Variants in GPNMB observed in about 807,000 individuals in gnomAD.
GPNMB encodes glycoprotein nmb, also known as transmembrane glycoprotein NMB.
A neutral mutation model predicts 57.3 loss-of-function variants in GPNMB; 71 were observed. The observed-to-expected ratio is 1.24, with a 90% CI of 1.02 to 1.51. The LOEUF is 1.51. GPNMB is among the 40% of genes most tolerant of loss of function. The pLI, the probability that GPNMB is intolerant of heterozygous loss-of-function variation, is 0.00. For synonymous variants in GPNMB, 253 were observed against 263.2 expected (o/e 0.96, Z 0.38); for missense variants, 677 against 691.9 (o/e 0.98, Z 0.24).
chr7:23,260,660 C>G lies in GPNMB; in HGVS notation c.905C>G (p.Thr302Arg). Reference protein sequence around the residue: ...FVSTNHTVNHTYVLNGTFSLN... With the variant: ...FVSTNHTVNHRYVLNGTFSLN... ...TCCACCAATCATACTGTGAATCACA[C>G]GTATGTGCTCAATGGAACCTTCAGC... Residue 302 changes from threonine to arginine, a missense_variant, in exon 6 of 11, where the codon ACG becomes AGG. Physicochemically the swap from Thr to Arg is moderately conservative, Grantham distance 71. Coordinates refer to ENST00000258733, the MANE Select transcript of GPNMB (RefSeq NM_002510.3). 1.2e-6 allele frequency: 2 copies of G among 1,613,152 alleles called. No homozygotes were observed. Among genetic ancestry groups the G allele is most frequent in the Non-Finnish European group, 1.7e-6 (2 of 1,179,116 alleles).
chr7:23,247,968 G>A (rs1205176114), intron 1 of GPNMB: 1 of 152,334 alleles, frequency 6.6e-6, no homozygotes, highest in African/African-American at 2.4e-5. Flanking sequence ...GAGTGGGCAA[G>A]GAACTCGCCC....
chr7:23,269,464 A>C (rs1186842827), intron 8 of GPNMB, among the ~76,000 whole-genome samples: 1 of 152,212 alleles, frequency 6.6e-6, no homozygotes, highest in East Asian at 1.9e-4. Context: ...CACTCAGAAC[A>C]AAGGTCTCTG....
rs1782696846 is a variant in GPNMB, at chr7:23,253,179, C to T, written c.71-128C>T. On this transcript the variant is annotated intron_variant, in intron 1 of 10. Coordinates refer to ENST00000258733, the MANE Select transcript of GPNMB (RefSeq NM_002510.3). The stretch of plus-strand genomic sequence containing the variant: ...GACTTCCTTTAAAAAACAAAGCACC[C>T]TCTGTTTACTTGATGCACTGAATAT... The T allele has an allele frequency of 8.7e-6, 6 of 687,704 alleles. No individual in the cohort carries two copies. The Admixed American group carries it at 1.6e-4, about 18-fold the overall frequency. 42.6% of individuals were successfully genotyped at this position (687,704 alleles called of 1,614,324 possible). A position where few individuals can be genotyped will look rare whatever the true frequency, so the allele number is the denominator to read the frequency against.
rs1315626949 is a variant in GPNMB at position 23,246,857 on chromosome 7, C to A, written c.-1C>A. 3.1e-6 allele frequency: 5 copies of A among 1,612,652 alleles called. No homozygotes were observed. Among genetic ancestry groups the A allele is most frequent in the Non-Finnish European group, 4.2e-6 (5 of 1,178,800 alleles). ...AGTGCCTGCGTCCGTGAGAATTCAGCATGGAATGTCTCTACTATTTCCTGG... is the reference window on the plus strand; with the variant it reads ...AGTGCCTGCGTCCGTGAGAATTCAGAATGGAATGTCTCTACTATTTCCTGG... On this transcript the variant is annotated 5_prime_UTR_variant, in exon 1 of 11. Transcript: ENST00000258733.
intron 1 of GPNMB, among the ~76,000 whole-genome samples, chr7:23,251,703 T>C (rs1157950822): frequency 6.6e-6 from 1 of 152,148 alleles, no homozygotes; most frequent in East Asian, 1.9e-4. Flanking sequence ...GAGGAAAAAA[T>C]TGAGTTTGTT....
intron 4 of GPNMB, among the ~76,000 whole-genome samples, chr7:23,259,129 G>GTTTTA (rs1160003262): frequency 1.3e-5 from 2 of 152,184 alleles, no homozygotes; most frequent in Non-Finnish European, 2.9e-5. Flanking sequence ...GAAAGTGCCT[G>GTTTTA]TGGAACCACC....
At chr7:23,268,585 C>G (rs961496840) in intron 8 of GPNMB, among the ~76,000 whole-genome samples, 2 of 152,038 alleles carry the variant, frequency 1.3e-5, no homozygotes, top group African/African-American at 4.8e-5. Context: ...AATACTATAT[C>G]GATTAACTAA....
rs150027317 is a variant in GPNMB, at chr7:23,254,169, G to A, written c.224G>A (p.Gly75Glu). The stretch of plus-strand genomic sequence containing the variant: ...CGAGCCCCACTTTTTTATACCCTAG[G>A]AGGCCGTGTGCAGGCGGTCCTGACC... ...GDMRWKNSWK[G>E]GRVQAVLTSD... The change falls in exon 3 of 11, where the codon GGA becomes GAA. Residue 75 changes from glycine to glutamate, a missense_variant and splice_region_variant. Coordinates refer to ENST00000258733, the MANE Select transcript of GPNMB (RefSeq NM_002510.3). The A allele has an allele frequency of 1.4e-5, 22 of 1,611,442 alleles. No individual in the cohort carries two copies. In the African/African-American group the frequency reaches 2.8e-4, roughly 21 times the overall value.
chr7:23,266,530 C>G lies in GPNMB; in HGVS notation c.1032C>G (p.Asp344Glu), dbSNP rs191551544. Residue 344 changes from aspartate (D) to glutamate (E), a missense_variant, in exon 7 of 11, where the codon GAC (aspartate) becomes GAG (glutamate). Physicochemically the swap from Asp to Glu is conservative, Grantham distance 45. Transcript: ENST00000258733. ...CAAACACCCCAGGACCTGCTGGTGACAACCCCCTGGAGCTGAGTAGGATTC... is the reference window on the plus strand; with the variant it reads ...CAAACACCCCAGGACCTGCTGGTGAGAACCCCCTGGAGCTGAGTAGGATTC... ...KPTPSLGPAG[D>E]NPLELSRIPD... The G allele has an allele frequency of 1.2e-6, 2 of 1,613,064 alleles. No homozygotes were observed. Among genetic ancestry groups the G allele is most frequent in the African/African-American group, 2.7e-5 (2 of 74,906 alleles).
intron 6 of GPNMB, among the ~76,000 whole-genome samples, chr7:23,265,758 A>G (rs1783041910): frequency 6.6e-6 from 1 of 151,972 alleles, no homozygotes; most frequent in South Asian, 2.1e-4. Context: ...GACAGCAGGT[A>G]TTGTTCTTAT....
chr7:23,269,539 G>A (rs1783147924), intron 8 of GPNMB, among the ~76,000 whole-genome samples: 1 of 152,240 alleles, frequency 6.6e-6, no homozygotes, highest in Non-Finnish European at 1.5e-5. Flanking sequence ...AAAAACAGCT[G>A]CTGCTGTTGC....
Position 23,250,365 on chromosome 7 carries a change from G to A in GPNMB, c.71-2942G>A, listed in dbSNP as rs983445902. ...CCTAGATCCTGAAGATTTCACCTAT[G>A]CTTTTTGCTTTTTTACAGCACCATA... On this transcript the variant is annotated intron_variant, in intron 1 of 10. Transcript: ENST00000258733. 8.5e-5 allele frequency among the ~76,000 whole-genome samples: 13 copies of A among 152,204 alleles called. 1 individual carries two copies. Among genetic ancestry groups the A allele is most frequent in the African/African-American group, 2.9e-4 (12 of 41,534 alleles).
chr7:23,258,731 C>A (rs947427161), intron 4 of GPNMB, among the ~76,000 whole-genome samples: 2 of 152,214 alleles, frequency 1.3e-5, no homozygotes, highest in African/African-American at 4.8e-5. Context: ...ATTTTCCTCA[C>A]GAATAACCCC....
intron 8 of GPNMB, 72 bp downstream of exon 8, chr7:23,268,060 C>A (rs1583835244): frequency 1.2e-6 from 1 of 858,948 alleles, no homozygotes; most frequent in Non-Finnish European, 2.0e-6. Flanking sequence ...AAGGCATTGA[C>A]CACCAGTTAC....
chr7:23,268,688 G>A (rs939481980), intron 8 of GPNMB, among the ~76,000 whole-genome samples: 1 of 151,526 alleles, frequency 6.6e-6, no homozygotes, highest in African/African-American at 2.4e-5. Context: ...GGAGAATGAA[G>A]TGGTATGAAG....
chr7:23,267,065 G>A (rs945957822), intron 7 of GPNMB, among the ~76,000 whole-genome samples: 6 of 152,248 alleles, frequency 3.9e-5, no homozygotes, highest in Non-Finnish European at 7.3e-5. Flanking sequence ...ATACAACAGA[G>A]AAGACAGAGG....
rs548504911 is a variant in GPNMB, at chr7:23,253,560, G to T, written c.223+101G>T. 2.4e-5 allele frequency: 23 copies of T among 967,502 alleles called. No homozygotes were observed. In the African/African-American group the frequency reaches 2.8e-4, roughly 12 times the overall value. The allele number at this position is 967,502 out of a possible 1,614,324, so 59.9% of individuals were successfully genotyped here. A position where few individuals can be genotyped will look rare whatever the true frequency, so the allele number is the denominator to read the frequency against. On this transcript the variant is annotated intron_variant, in intron 2 of 10. Transcript: ENST00000258733. ...ATCACACGGCTCACGTCATTTCCAC[G>T]AATGACAGTGCTCTCATTACCAAGT...
At chr7:23,255,565 C>G (rs535062840) in intron 3 of GPNMB, among the ~76,000 whole-genome samples, 1 of 152,212 alleles carries the variant, frequency 6.6e-6, no homozygotes, top group South Asian at 2.1e-4. Flanking sequence ...TGTATATATT[C>G]CCAGCAGTGA....
chr7:23,266,862 C>G (rs1295666850), intron 7 of GPNMB, among the ~76,000 whole-genome samples: 1 of 152,212 alleles, frequency 6.6e-6, no homozygotes, highest in Non-Finnish European at 1.5e-5. Flanking sequence ...AATGAGCCTG[C>G]CCTGGGCCTG....
Sources: allele counts gnomAD v4.1 joint callset (sites outside exome capture counted in the v4.1 genomes callset), GRCh38; gene constraint gnomAD v4.1.1; transcripts MANE v1.5; gene names NCBI Gene and HGNC (gene_info 2026-07-23, HGNC 2026-07-21).